PSMA8: variants seen among roughly 807,000 people sequenced by gnomAD.
The protein encoded by PSMA8 is proteasome subunit alpha-type 8.
PSMA8 carries 18 observed loss-of-function variants against 32.4 expected under a neutral mutation model. The observed-to-expected ratio is 0.56, with a 90% confidence interval of 0.38 to 0.82. The LOEUF is 0.82. Among genes scored for constraint, PSMA8 ranks in the 40% least tolerant of loss-of-function variants. The probability of loss-of-function intolerance (pLI) is 0.00; values close to 1 mark genes in which losing one functional copy is unlikely to be tolerated. For synonymous variants in PSMA8, 104 were observed against 98.1 expected (o/e 1.06, Z -0.36); for missense variants, 298 against 300.7 (o/e 0.99, Z 0.07).
At chr18:26,186,704 TA>T (rs2055358222) in intron 6 of PSMA8, among the ~76,000 whole-genome samples, 1 of 152,252 alleles carries the variant, frequency 6.6e-6, no homozygotes, top group Non-Finnish European at 1.5e-5. Flanking sequence ...TAGCTTGACT[TA>T]AGGTATATAA....
intron 3 of PSMA8, among the ~76,000 whole-genome samples, chr18:26,157,622 G>T (rs2055100449): frequency 3.3e-5 from 5 of 152,148 alleles, no homozygotes; most frequent in Admixed American, 2.6e-4. Flanking sequence ...GGGAATGAAA[G>T]AAATGTTTTA....
chr18:26,142,280 C>A (rs1405746112), intron 1 of PSMA8, among the ~76,000 whole-genome samples: 1 of 151,940 alleles, frequency 6.6e-6, no homozygotes, highest in Non-Finnish European at 1.5e-5. Context: ...ACCTCGTGAT[C>A]CACCCACCTC....
chr18:26,167,530 T>C (rs1328260634), intron 4 of PSMA8, among the ~76,000 whole-genome samples: 2 of 152,194 alleles, frequency 1.3e-5, no homozygotes, highest in Non-Finnish European at 2.9e-5. Context: ...ATTGAACCCC[T>C]AACCCCCAAA....
chr18:26,134,730 G>A (rs2054897701), intron 1 of PSMA8, among the ~76,000 whole-genome samples: 1 of 152,112 alleles, frequency 6.6e-6, no homozygotes. Context: ...CCAGGAGGGC[G>A]GATCACCTGA....
chr18:26,181,155 G>T (rs1381273430), intron 6 of PSMA8, among the ~76,000 whole-genome samples: 4 of 152,068 alleles, frequency 2.6e-5, no homozygotes, highest in Non-Finnish European at 5.9e-5. Context: ...TCACATTTTT[G>T]ATAACTCTCA....
At chr18:26,161,732 T>G (rs1012307041) in intron 4 of PSMA8, among the ~76,000 whole-genome samples, 1 of 152,088 alleles carries the variant, frequency 6.6e-6, no homozygotes, top group Non-Finnish European at 1.5e-5. Context: ...CTGGACAACA[T>G]AGACTGTTTC....
At chr18:26,151,272 C>T (rs2055043236) in intron 2 of PSMA8, among the ~76,000 whole-genome samples, 1 of 152,130 alleles carries the variant, frequency 6.6e-6, no homozygotes, top group African/African-American at 2.4e-5. Flanking sequence ...GGGAAAGAAA[C>T]AAAGTGGACA....
rs1181204937 is a variant in PSMA8 at position 26,169,708 on chromosome 18, G to A, written c.478-9122G>A. ...TACAAAATACAAAAATTAGCCGGGC[G>A]TGGTGGCGCGCACCCGGTCCCAGCT... On this transcript the variant is annotated intron_variant, in intron 4 of 6. Coordinates refer to ENST00000415576, the MANE Select transcript of PSMA8 (RefSeq NM_001025096.2). Among the ~76,000 whole-genome samples, 5 of 129,250 alleles carry A rather than the reference G, an allele frequency of 3.9e-5. 1 individual carries two copies. The highest frequency in any genetic ancestry group is 2.2e-4 in the South Asian group (1 of 4,554). 84.8% of individuals were successfully genotyped at this position (129,250 alleles called of 152,430 possible). A position where few individuals can be genotyped will look rare whatever the true frequency, so the allele number is the denominator to read the frequency against.
rs143655837 is a variant in PSMA8 at position 26,184,577 on chromosome 18, A to T, written c.660+5447A>T. Reference sequence around the variant, plus strand: ...CACCTGAGGTCAGGGGTTCGAGACCAGCCTGACCAACATAGTGAAACCCCA... The same window carrying T: ...CACCTGAGGTCAGGGGTTCGAGACCTGCCTGACCAACATAGTGAAACCCCA... On this transcript the variant is annotated intron_variant, in intron 6 of 6. Coordinates refer to ENST00000415576, the MANE Select transcript of PSMA8 (RefSeq NM_001025096.2). Among the ~76,000 whole-genome samples the T allele has an allele frequency of 1.6e-3, 241 of 149,594 alleles. 9 individuals carry two copies. Among genetic ancestry groups the T allele is most frequent in the African/African-American group, 5.8e-3 (236 of 40,398 alleles).
chr18:26,179,822 C>T lies in PSMA8; in HGVS notation c.660+692C>T, dbSNP rs75511643. On this transcript the variant is annotated intron_variant, in intron 6 of 6. Coordinates refer to ENST00000415576, the MANE Select transcript of PSMA8 (RefSeq NM_001025096.2). ...TTTTATACTCAAATATGGCAGTGTACGCCTGTAATCCCAGCTACTCGAGAG... is the reference window on the plus strand; with the variant it reads ...TTTTATACTCAAATATGGCAGTGTATGCCTGTAATCCCAGCTACTCGAGAG... Among the ~76,000 whole-genome samples, 488 of 151,574 alleles carry T rather than the reference C, an allele frequency of 3.2e-3. 4 individuals are homozygous for T. Among genetic ancestry groups the T allele is most frequent in the African/African-American group, 0.01 (433 of 41,324 alleles).
At position 26,183,931 on chromosome 18, in the gene PSMA8, C is replaced by G. The variant is rs2055332839; in HGVS notation, c.660+4801C>G. ...CACTACCCTGATGAGTCAGCTCCAT[C>G]ATCAAGACAAGACCCCACCAGCAAA... On this transcript the variant is annotated intron_variant, in intron 6 of 6. Coordinates refer to ENST00000415576, the MANE Select transcript of PSMA8 (RefSeq NM_001025096.2). Among the ~76,000 whole-genome samples, 2 of 150,852 alleles carry G rather than the reference C, an allele frequency of 1.3e-5. 1 individual carries two copies. The highest frequency in any genetic ancestry group is 4.9e-5 in the African/African-American group (2 of 40,834).
At chr18:26,159,897 G>A (rs934781436) in intron 4 of PSMA8, among the ~76,000 whole-genome samples, 3 of 150,078 alleles carry the variant, frequency 2.0e-5, no homozygotes, top group Non-Finnish European at 1.5e-5. Context: ...GAAATATTAC[G>A]CAGCTTTTAA....
chr18:26,188,761 G>A (rs974757733), intron 6 of PSMA8, among the ~76,000 whole-genome samples: 11 of 152,132 alleles, frequency 7.2e-5, no homozygotes, highest in African/African-American at 2.4e-4. Flanking sequence ...TTCAATAAAG[G>A]ATGCTGGGAA....
intron 6 of PSMA8, among the ~76,000 whole-genome samples, chr18:26,184,421 A>G (rs565304437): frequency 1.3e-5 from 2 of 150,674 alleles, no homozygotes; most frequent in East Asian, 2.0e-4. Context: ...CAGTAGTAAT[A>G]CTAAGCACTC....
intron 4 of PSMA8, among the ~76,000 whole-genome samples, chr18:26,175,297 TA>T (rs1400595749): frequency 6.6e-6 from 1 of 152,166 alleles, no homozygotes; most frequent in African/African-American, 2.4e-5. Flanking sequence ...ATTATTATTT[TA>T]TAAGATATTA....
At chr18:26,151,149 A>G (rs529428254) in intron 2 of PSMA8, among the ~76,000 whole-genome samples, 1 of 152,354 alleles carries the variant, frequency 6.6e-6, no homozygotes, top group East Asian at 1.9e-4. Flanking sequence ...ATGGTGTGGA[A>G]GGGAAACAAG....
At chr18:26,136,249 G>T (rs2054910759) in intron 1 of PSMA8, among the ~76,000 whole-genome samples, 1 of 152,022 alleles carries the variant, frequency 6.6e-6, no homozygotes, top group South Asian at 2.1e-4. Flanking sequence ...TAACATTTTG[G>T]AGAAGTAATA....
At chr18:26,172,354 T>C (rs771718574) in intron 4 of PSMA8, among the ~76,000 whole-genome samples, 1 of 152,178 alleles carries the variant, frequency 6.6e-6, no homozygotes, top group Non-Finnish European at 1.5e-5. Flanking sequence ...ACTACTAAAC[T>C]TTACCATAGT....
At chr18:26,149,370 T>A (rs1817437983) in intron 2 of PSMA8, among the ~76,000 whole-genome samples, 1 of 152,210 alleles carries the variant, frequency 6.6e-6, no homozygotes, top group Non-Finnish European at 1.5e-5. Flanking sequence ...TATTAACATG[T>A]CAATATTATC....
Sources: gnomAD v4.1 joint callset for allele counts (sites outside exome capture counted in the v4.1 genomes callset) on GRCh38, gnomAD v4.1.1 for gene constraint, MANE v1.5 for transcripts, NCBI Gene and HGNC (gene_info 2026-07-23, HGNC 2026-07-21) for gene names.